CHODL: variants seen among roughly 807,000 people sequenced by gnomAD.
The protein encoded by CHODL is chondrolectin, also known as transmembrane protein MT75.
A neutral mutation model predicts 34.5 loss-of-function variants in CHODL; 29 were observed. That is an observed-to-expected ratio of 0.84 (90% confidence interval 0.63 to 1.15). The LOEUF is 1.15. Among genes scored for constraint, CHODL ranks in the 50% most tolerant of loss-of-function variants. CHODL has a pLI of 0.00. For synonymous variants in CHODL, 125 were observed against 116.1 expected (o/e 1.08, Z -0.49); for missense variants, 332 against 332.5 (o/e 1.00, Z 0.01).
chr21:18,233,408 T>C (rs944236286), intron 2 of CHODL, among the ~76,000 whole-genome samples: 37 of 152,178 alleles, frequency 2.4e-4, no homozygotes, highest in African/African-American at 8.7e-4. Context: ...TTGCTGCAAT[T>C]TCCTTATCTT....
chr21:17,973,700 G>C (rs915823060), intron 1 of CHODL, among the ~76,000 whole-genome samples: 3 of 151,096 alleles, frequency 2.0e-5, no homozygotes, highest in African/African-American at 7.3e-5. Context: ...GATCATAGGC[G>C]TGAGCCACCG....
At chr21:17,934,040 A>G (rs948126431) in intron 1 of CHODL, among the ~76,000 whole-genome samples, 27 of 144,768 alleles carry the variant, frequency 1.9e-4, no homozygotes, top group African/African-American at 7.8e-4. Flanking sequence ...TTTGTCTCAA[A>G]AAAGAAAAAA....
intron 1 of CHODL, among the ~76,000 whole-genome samples, chr21:17,920,669 T>C (rs2063176369): frequency 6.6e-6 from 1 of 152,208 alleles, no homozygotes. Flanking sequence ...GCTTGGCAGA[T>C]AGCACATGCT....
At chr21:17,989,743 G>A (rs2063782347) in intron 1 of CHODL, among the ~76,000 whole-genome samples, 1 of 152,114 alleles carries the variant, frequency 6.6e-6, no homozygotes, top group African/African-American at 2.4e-5. Flanking sequence ...GGCTTGTGAG[G>A]TTATTTACAA....
At chr21:18,158,731 G>A (rs904288590) in intron 2 of CHODL, among the ~76,000 whole-genome samples, 6 of 151,740 alleles carry the variant, frequency 4.0e-5, no homozygotes, top group Non-Finnish European at 7.4e-5. Flanking sequence ...CCAGCTACTC[G>A]GGAGGCTGAG....
intron 2 of CHODL, among the ~76,000 whole-genome samples, chr21:18,142,484 A>G (rs2824651): frequency 0.081 from 12,352 of 152,156 alleles, 1,491 homozygotes; most frequent in African/African-American, 0.26. Context: ...CAACTATTTT[A>G]TGAGAATTAG....
intron 2 of CHODL, among the ~76,000 whole-genome samples, chr21:18,217,316 G>A (rs1252261295): frequency 6.6e-6 from 1 of 152,110 alleles, no homozygotes; most frequent in African/African-American, 2.4e-5. Flanking sequence ...AGTTTTGCAG[G>A]GCTGGGGAGG....
At chr21:17,938,812 C>A (rs778026069) in intron 1 of CHODL, among the ~76,000 whole-genome samples, 9 of 152,182 alleles carry the variant, frequency 5.9e-5, no homozygotes, top group Non-Finnish European at 1.3e-4. Flanking sequence ...AAGGTCCAAG[C>A]TCTTCTGCAA....
intron 1 of CHODL, among the ~76,000 whole-genome samples, chr21:17,987,621 A>C (rs2063763781): frequency 6.6e-6 from 1 of 151,636 alleles, no homozygotes; most frequent in African/African-American, 2.4e-5. Context: ...CCAAGGAAGA[A>C]CATTTAAAAA....
chr21:17,959,056 C>T (rs1302541870), intron 1 of CHODL, among the ~76,000 whole-genome samples: 1 of 151,870 alleles, frequency 6.6e-6, no homozygotes, highest in Non-Finnish European at 1.5e-5. Context: ...ATATAATTAC[C>T]CCCGCTAAAA....
chr21:18,163,618 C>A (rs142802532), intron 2 of CHODL, among the ~76,000 whole-genome samples: 174 of 152,240 alleles, frequency 1.1e-3, no homozygotes, highest in African/African-American at 3.9e-3. Context: ...TGGTAAATTA[C>A]TTAAACCTAA....
chr21:18,205,203 G>T (rs1470939584), intron 2 of CHODL, among the ~76,000 whole-genome samples: 1 of 152,182 alleles, frequency 6.6e-6, no homozygotes, highest in African/African-American at 2.4e-5. Context: ...TCCCCATTCA[G>T]TATGATACTA....
At chr21:18,083,658 A>G (rs922278236) in intron 2 of CHODL, among the ~76,000 whole-genome samples, 6 of 152,180 alleles carry the variant, frequency 3.9e-5, no homozygotes, top group Non-Finnish European at 5.9e-5. Flanking sequence ...ATGGAGTCCA[A>G]GGAGATTATT....
At chr21:17,966,350 C>T (rs1196016283) in intron 1 of CHODL, among the ~76,000 whole-genome samples, 4 of 152,060 alleles carry the variant, frequency 2.6e-5, no homozygotes, top group African/African-American at 4.8e-5. Flanking sequence ...CACATTTGGG[C>T]GGCAGTAGGT....
At chr21:17,956,111 T>G (rs2146346427) in intron 1 of CHODL, among the ~76,000 whole-genome samples, 1 of 136,786 alleles carries the variant, frequency 7.3e-6, no homozygotes, top group Middle Eastern at 3.6e-3. Flanking sequence ...CCAAATCTCA[T>G]GTTGAGATGT....
intron 2 of CHODL, among the ~76,000 whole-genome samples, chr21:18,087,105 C>T (rs1421446849): frequency 6.6e-6 from 1 of 152,188 alleles, no homozygotes; most frequent in African/African-American, 2.4e-5. Flanking sequence ...GATCCCCCAG[C>T]TGGGTGGTGG....
intron 2 of CHODL, among the ~76,000 whole-genome samples, chr21:18,188,557 C>A (rs1436647458): frequency 6.6e-6 from 1 of 152,204 alleles, no homozygotes; most frequent in Non-Finnish European, 1.5e-5. Flanking sequence ...AGTAGTGCTA[C>A]ATGCCACATT....
intron 2 of CHODL, among the ~76,000 whole-genome samples, chr21:18,082,877 G>A (rs2064959052): frequency 6.7e-6 from 1 of 148,904 alleles, no homozygotes; most frequent in South Asian, 2.3e-4. Flanking sequence ...AGGAAGCAGA[G>A]TATAAAAGTT....
chr21:18,136,581 C>G (rs73894757), intron 2 of CHODL, among the ~76,000 whole-genome samples: 14 of 152,006 alleles, frequency 9.2e-5, no homozygotes, highest in African/African-American at 2.6e-4. Flanking sequence ...GTACAAATTA[C>G]ATTTTTACTT....
Sources: allele counts gnomAD v4.1 joint callset (sites outside exome capture counted in the v4.1 genomes callset), GRCh38; gene constraint gnomAD v4.1.1; transcripts MANE v1.5; gene names NCBI Gene and HGNC (gene_info 2026-07-23, HGNC 2026-07-21).